The following PTPRO variants were observed in gnomAD, a reference collection of about 807,000 sequenced individuals.
PTPRO encodes the protein protein tyrosine phosphatase receptor type O.
A neutral mutation model predicts 145.2 loss-of-function variants in PTPRO; 62 were observed. That is an observed-to-expected ratio of 0.43 (90% CI 0.35 to 0.53). The LOEUF is 0.53. Ranked by LOEUF, PTPRO falls within the 20% of genes least tolerant of loss-of-function variation. PTPRO has a pLI of 0.01. For missense variants in PTPRO, 1,345 were observed against 1,482.7 expected (o/e 0.91, Z 1.53); for synonymous variants, 565 against 514.7 (o/e 1.10, Z -1.32).
At chr12:15,497,602 G>A (rs548002612) in intron 3 of PTPRO, among the ~76,000 whole-genome samples, 199 bp downstream of exon 3, 3 of 152,328 alleles carry the variant, frequency 2.0e-5, no homozygotes, top group East Asian at 1.9e-4. Flanking sequence ...CTTGAGAGTC[G>A]TGTGTCATGT....
chr12:15,575,293 G>A (rs967267638), intron 19 of PTPRO, among the ~76,000 whole-genome samples: 12 of 152,180 alleles, frequency 7.9e-5, no homozygotes, highest in Non-Finnish European at 7.3e-5. Flanking sequence ...GTTCCACACA[G>A]GAAGAGGAGA....
intron 1 of PTPRO, among the ~76,000 whole-genome samples, chr12:15,459,274 C>A (rs1941249484): frequency 6.6e-6 from 1 of 152,172 alleles, no homozygotes; most frequent in African/African-American, 2.4e-5. Context: ...TGGGGGCCGG[C>A]ATGCTAGTTC....
chr12:15,529,114 G>A (rs1942905019), intron 12 of PTPRO, among the ~76,000 whole-genome samples: 1 of 152,156 alleles, frequency 6.6e-6, no homozygotes, highest in African/African-American at 2.4e-5. Context: ...AGGATATTCT[G>A]TTACTGTGAT....
At chr12:15,378,979 A>G (rs187471822) in intron 1 of PTPRO, among the ~76,000 whole-genome samples, 1 of 152,284 alleles carries the variant, frequency 6.6e-6, no homozygotes, top group East Asian at 1.9e-4. Context: ...ACAATGAGAT[A>G]CAACTTTATA....
chr12:15,594,946 A>G lies in PTPRO; in HGVS notation c.3556A>G (p.Ile1186Val), dbSNP rs1944628122. ...MSMVQTEEQY[I>V]FIHQCVQLMW... ...TTGTCTTTTGTTCCAGGAGCAGTACATTTTTATCCATCAGTGTGTGCAACT... is the reference window on the plus strand; with the variant it reads ...TTGTCTTTTGTTCCAGGAGCAGTACGTTTTTATCCATCAGTGTGTGCAACT... The change falls in exon 26 of 27, where the codon ATT becomes GTT. Residue 1186 changes from isoleucine to valine, a missense_variant. By Grantham distance (29) the Ile-to-Val change is conservative. Around this residue, in one of 3 missense-constraint regions of PTPRO, gnomAD observed 208 missense variants for 242.8 expected, o/e 0.86. Transcript: ENST00000281171. 1 of 1,613,448 alleles carries G rather than the reference A, an allele frequency of 6.2e-7. No homozygotes were observed. Among genetic ancestry groups the G allele is most frequent in the East Asian group, 2.2e-5 (1 of 44,846 alleles).
chr12:15,413,716 G>C (rs993379973), intron 1 of PTPRO, among the ~76,000 whole-genome samples: 2 of 152,228 alleles, frequency 1.3e-5, no homozygotes, highest in African/African-American at 4.8e-5. Flanking sequence ...TTGGGAGACT[G>C]AGGCAGGAGA....
At chr12:15,505,644 C>G (rs2136477517) in intron 6 of PTPRO, among the ~76,000 whole-genome samples, 1 of 152,232 alleles carries the variant, frequency 6.6e-6, no homozygotes, top group South Asian at 2.1e-4. Flanking sequence ...ATGTATACTT[C>G]TTTGGTTTAA....
At chr12:15,498,320 C>T (rs1017214547) in intron 3 of PTPRO, among the ~76,000 whole-genome samples, 1 of 152,056 alleles carries the variant, frequency 6.6e-6, no homozygotes, top group Non-Finnish European at 1.5e-5. Context: ...TTTGGGAGGC[C>T]GAGGTGGGCA....
intron 1 of PTPRO, among the ~76,000 whole-genome samples, chr12:15,329,225 G>A (rs1866539083): frequency 6.6e-6 from 1 of 152,142 alleles, no homozygotes; most frequent in South Asian, 2.1e-4. Flanking sequence ...CCGTATCAGA[G>A]ACCAATTATG....
intron 1 of PTPRO, among the ~76,000 whole-genome samples, chr12:15,447,837 C>G (rs1258883019): frequency 6.6e-6 from 1 of 152,104 alleles, no homozygotes; most frequent in Non-Finnish European, 1.5e-5. Context: ...GCAGATTGAT[C>G]ACGTCAAATT....
At chr12:15,461,109 C>T (rs1941290841) in intron 1 of PTPRO, among the ~76,000 whole-genome samples, 1 of 152,102 alleles carries the variant, frequency 6.6e-6, no homozygotes, top group East Asian at 1.9e-4. Flanking sequence ...CATTTTACAG[C>T]CCATTCTCTC....
At chr12:15,351,895 T>G (rs1252805534) in intron 1 of PTPRO, among the ~76,000 whole-genome samples, 1 of 152,214 alleles carries the variant, frequency 6.6e-6, no homozygotes, top group Non-Finnish European at 1.5e-5. Flanking sequence ...ATACTGAAAC[T>G]TTCCTAAATA....
At chr12:15,411,538 T>C (rs941738904) in intron 1 of PTPRO, among the ~76,000 whole-genome samples, 1 of 152,204 alleles carries the variant, frequency 6.6e-6, no homozygotes, top group Non-Finnish European at 1.5e-5. Flanking sequence ...CTGTAAGATC[T>C]CAACATAATC....
At chr12:15,396,334 T>C (rs1939338646) in intron 1 of PTPRO, among the ~76,000 whole-genome samples, 1 of 152,186 alleles carries the variant, frequency 6.6e-6, no homozygotes, top group Admixed American at 6.5e-5. Flanking sequence ...TTAAATATAA[T>C]AAAACATTTT....
chr12:15,446,827 C>A (rs1167186496), intron 1 of PTPRO, among the ~76,000 whole-genome samples: 1 of 151,862 alleles, frequency 6.6e-6, no homozygotes, highest in Non-Finnish European at 1.5e-5. Context: ...CCTCAAAATT[C>A]ATCTCACTGT....
At chr12:15,328,126 A>AG (rs1483222633) in intron 1 of PTPRO, among the ~76,000 whole-genome samples, 1 of 152,040 alleles carries the variant, frequency 6.6e-6, no homozygotes, top group African/African-American at 2.4e-5. Flanking sequence ...AAAAAAAAAA[A>AG]AAGTATATGT....
intron 1 of PTPRO, among the ~76,000 whole-genome samples, chr12:15,332,870 C>T (rs1866651988): frequency 6.6e-6 from 1 of 152,162 alleles, no homozygotes; most frequent in African/African-American, 2.4e-5. Flanking sequence ...TATATAGTAA[C>T]TGCTCTTGCT....
At chr12:15,383,533 T>A (rs1006772788) in intron 1 of PTPRO, among the ~76,000 whole-genome samples, 1 of 152,164 alleles carries the variant, frequency 6.6e-6, no homozygotes, top group Admixed American at 6.6e-5. Flanking sequence ...AAGCCAAATA[T>A]GAGAACCAGG....
intron 9 of PTPRO, among the ~76,000 whole-genome samples, chr12:15,519,922 C>T (rs1045155746): frequency 6.6e-6 from 1 of 152,006 alleles, no homozygotes; most frequent in Non-Finnish European, 1.5e-5. Context: ...AGGACTGTTT[C>T]GCATGTGTAA....
Sources: gnomAD v4.1 joint callset for allele counts (sites outside exome capture counted in the v4.1 genomes callset) on GRCh38, gnomAD v4.1.1 for gene constraint, gnomAD v4.1.1 regional missense constraint, MANE v1.5 for transcripts, NCBI Gene and HGNC (gene_info 2026-07-23, HGNC 2026-07-21) for gene names.